The following NRXN1 variants were observed in gnomAD, a reference collection of about 807,000 sequenced individuals.
The protein encoded by NRXN1 is neurexin-1.
Under a neutral mutation model 150.9 loss-of-function variants are expected in NRXN1, and 39 were observed. The ratio of observed to expected loss-of-function variants is 0.26; its 90% confidence interval spans 0.20 to 0.34. The LOEUF is 0.34. Among genes scored for constraint, NRXN1 ranks in the 10% least tolerant of loss-of-function variants. NRXN1 has a pLI of 1.00. For missense variants in NRXN1, 1,815 were observed against 1,949.9 expected (o/e 0.93, Z 1.30); for synonymous variants, 924 against 757.0 (o/e 1.22, Z -3.62).
At chr2:50,377,434 T>C (rs2080595489) in intron 17 of NRXN1, among the ~76,000 whole-genome samples, 1 of 152,204 alleles carries the variant, frequency 6.6e-6, no homozygotes, top group Non-Finnish European at 1.5e-5. Context: ...ATCTCATCAT[T>C]CCTTTTTATG....
chr2:50,887,311 T>G (rs116601520), intron 5 of NRXN1, among the ~76,000 whole-genome samples: 2,276 of 151,592 alleles, frequency 0.015, 30 homozygotes, highest in Middle Eastern at 0.037. Context: ...ACATAAAAAC[T>G]AAGCAGCTAA....
intron 5 of NRXN1, chr2:50,829,364 G>A (rs1245086132): frequency 4.8e-5 from 44 of 910,256 alleles, no homozygotes; most frequent in South Asian, 3.5e-4. Context: ...CCAAACTCAG[G>A]TGATCCGCCC....
At chr2:50,594,521 T>C (rs1444766601) in intron 8 of NRXN1, among the ~76,000 whole-genome samples, 1 of 152,056 alleles carries the variant, frequency 6.6e-6, no homozygotes, top group African/African-American at 2.4e-5. Context: ...CCTGATAACT[T>C]TATTACACAT....
At chr2:50,084,546 C>G (rs1280785487) in intron 19 of NRXN1, among the ~76,000 whole-genome samples, 2 of 152,162 alleles carry the variant, frequency 1.3e-5, no homozygotes, top group Non-Finnish European at 2.9e-5. Context: ...CTCTAGGTGG[C>G]CTGCAAGCGC....
chr2:50,006,327 T>C (rs535726451), intron 21 of NRXN1, among the ~76,000 whole-genome samples: 1 of 152,130 alleles, frequency 6.6e-6, no homozygotes, highest in Non-Finnish European at 1.5e-5. Flanking sequence ...TTAGGCCATT[T>C]TGTAGTCAGC....
At chr2:50,562,247 T>C (rs1404099244) in intron 8 of NRXN1, among the ~76,000 whole-genome samples, 2 of 152,066 alleles carry the variant, frequency 1.3e-5, no homozygotes, top group Admixed American at 1.3e-4. Context: ...GAGGCAGACA[T>C]TAGTATAAGT....
chr2:49,988,816 C>T (rs555849180), intron 21 of NRXN1, among the ~76,000 whole-genome samples: 2 of 152,032 alleles, frequency 1.3e-5, no homozygotes, highest in South Asian at 4.1e-4. Context: ...AATTATGTAC[C>T]ATTACATAGC....
chr2:50,925,816 C>A, intron 3 of NRXN1, 122 bp downstream of exon 3: 1 of 766,720 alleles, frequency 1.3e-6, no homozygotes, highest in Non-Finnish European at 2.2e-6. Flanking sequence ...GATACACAAT[C>A]CAGAAACCAA....
intron 18 of NRXN1, among the ~76,000 whole-genome samples, chr2:50,107,376 T>G (rs1460979024): frequency 1.3e-5 from 2 of 151,534 alleles, no homozygotes; most frequent in Admixed American, 6.6e-5. Flanking sequence ...AGGTAAACTC[T>G]CATTCATTAT....
chr2:50,019,971 AAAGAGAG>A lies in NRXN1; in HGVS notation c.4128+33293_4128+33299del, dbSNP rs1465227639. ...TCAAAAAAAAAAAAAAAAAAAAAAAAAAGAGAGAGAGAGAGACCTAGGGAGCTACGTC... is the reference window on the plus strand; with the variant it reads ...TCAAAAAAAAAAAAAAAAAAAAAAAAAGAGAGAGACCTAGGGAGCTACGTC... On this transcript the variant is annotated intron_variant, in intron 21 of 22. Coordinates refer to ENST00000401669, the MANE Select transcript of NRXN1 (RefSeq NM_001330078.2). Among the ~76,000 whole-genome samples, 35 of 122,240 alleles carry A rather than the reference AAAGAGAG, an allele frequency of 2.9e-4. 3 individuals carry two copies. Among genetic ancestry groups the A allele is most frequent in the African/African-American group, 7.2e-4 (23 of 32,104 alleles). 80.2% of individuals were successfully genotyped at this position (122,240 alleles called of 152,430 possible). A position where few individuals can be genotyped will look rare whatever the true frequency, so the allele number is the denominator to read the frequency against.
At chr2:50,130,761 C>T (rs571473789) in intron 18 of NRXN1, among the ~76,000 whole-genome samples, 3 of 152,206 alleles carry the variant, frequency 2.0e-5, no homozygotes, top group South Asian at 4.1e-4. Flanking sequence ...TTATGACCTC[C>T]GAAAAGGCTT....
intron 21 of NRXN1, among the ~76,000 whole-genome samples, chr2:49,986,973 G>A (rs1573235426): frequency 1.3e-5 from 2 of 152,040 alleles, no homozygotes; most frequent in African/African-American, 2.4e-5. Flanking sequence ...GCTGAAGTGG[G>A]AGGACCACCT....
intron 19 of NRXN1, among the ~76,000 whole-genome samples, chr2:50,090,155 G>A (rs1041484707): frequency 3.3e-5 from 5 of 152,184 alleles, no homozygotes; most frequent in Admixed American, 2.0e-4. Flanking sequence ...TTGTGGAATA[G>A]GTTTGAACTA....
At chr2:50,285,224 G>C (rs1477214766) in intron 17 of NRXN1, among the ~76,000 whole-genome samples, 1 of 152,114 alleles carries the variant, frequency 6.6e-6, no homozygotes, top group Non-Finnish European at 1.5e-5. Flanking sequence ...TTGTGCATTT[G>C]AAAGATTATT....
chr2:50,878,571 CCCTGGACATCAGAAAGACTACCA>C (rs1360872984), intron 5 of NRXN1, among the ~76,000 whole-genome samples: 26 of 151,876 alleles, frequency 1.7e-4, no homozygotes, highest in African/African-American at 6.3e-4. Context: ...AATTCTAGAA[CCCTGGACATCAGAAAGACTACCA>C]CCTCTTTAAA....
chr2:50,100,935 AT>A (rs1700895049), intron 18 of NRXN1, among the ~76,000 whole-genome samples: 1 of 152,096 alleles, frequency 6.6e-6, no homozygotes, highest in Admixed American at 6.5e-5. Flanking sequence ...AACCTTCTTA[AT>A]TTTTCACAGG....
At chr2:50,378,788 T>C (rs2080716794) in intron 17 of NRXN1, among the ~76,000 whole-genome samples, 2 of 152,274 alleles carry the variant, frequency 1.3e-5, no homozygotes, top group South Asian at 2.1e-4. Context: ...ATGGAAGGAA[T>C]TCAACATCAA....
chr2:49,988,319 A>C (rs1279049185), intron 21 of NRXN1, among the ~76,000 whole-genome samples: 2 of 151,982 alleles, frequency 1.3e-5, no homozygotes, highest in African/African-American at 4.8e-5. Context: ...TATCAGAAAA[A>C]AAAAAAACTG....
At chr2:50,433,518 C>A (rs1245659800) in intron 17 of NRXN1, among the ~76,000 whole-genome samples, 1 of 151,272 alleles carries the variant, frequency 6.6e-6, no homozygotes, top group African/African-American at 2.4e-5. Context: ...GTATAAAACA[C>A]ATTACAGTTG....
Sources: allele counts gnomAD v4.1 joint callset (sites outside exome capture counted in the v4.1 genomes callset), GRCh38; gene constraint gnomAD v4.1.1; transcripts MANE v1.5; gene names NCBI Gene and HGNC (gene_info 2026-07-23, HGNC 2026-07-21).